Variants in EYS observed in about 807,000 individuals in gnomAD.
EYS encodes EGF-like photoreceptor maintenance factor, also known as protein eyes shut homolog.
In EYS, 250 loss-of-function variants were observed where a neutral mutation model predicts 282.1. The ratio of observed to expected loss-of-function variants is 0.89; its 90% CI spans 0.80 to 0.98. EYS has a LOEUF of 0.98. EYS is among the 50% of genes least tolerant of loss of function. The pLI is 0.00. For synonymous variants in EYS, 1,355 were observed against 1,282.9 expected, an observed-to-expected ratio of 1.06 and a Z score of -1.20; for missense variants, 4,016 against 3,709.0, an observed-to-expected ratio of 1.08 and a Z score of -2.15.
chr6:65,523,509 GT>G, intron 2 of EYS, among the ~76,000 whole-genome samples: 1 of 152,214 alleles, frequency 6.6e-6, no homozygotes, highest in African/African-American at 2.4e-5. Flanking sequence ...GCAAACAGTT[GT>G]TATGAAGAAT....
At chr6:64,893,744 C>A (rs7753751) in intron 18 of EYS, among the ~76,000 whole-genome samples, 83,109 of 151,642 alleles carry the variant, frequency 0.55, 23,585 homozygotes, top group Non-Finnish European at 0.61. Context: ...AGTATTGTTT[C>A]ATGTTGCTGA....
chr6:64,696,158 T>G (rs1770572365), intron 22 of EYS, among the ~76,000 whole-genome samples: 1 of 152,158 alleles, frequency 6.6e-6, no homozygotes. Context: ...AAGAGATAGA[T>G]ATCTTTTAAA....
intron 35 of EYS, among the ~76,000 whole-genome samples, chr6:63,898,445 C>T (rs965007908): frequency 1.3e-5 from 2 of 152,026 alleles, no homozygotes; most frequent in African/African-American, 4.8e-5. Context: ...GAGCCAAGAA[C>T]ATGCCACTGC....
chr6:64,227,081 T>C (rs1013342627), intron 31 of EYS, among the ~76,000 whole-genome samples: 2 of 152,118 alleles, frequency 1.3e-5, no homozygotes, highest in African/African-American at 4.8e-5. Flanking sequence ...TACGCAATTA[T>C]ATATTTTTTC....
In EYS at chr6:64,116,330, G is replaced by A. The variant is rs548800472; in HGVS notation, c.6425-34328C>T. Among the ~76,000 whole-genome samples, 12 of 152,194 alleles carry A rather than the reference G, an allele frequency of 7.9e-5. No individual in the cohort carries two copies. In the East Asian group the frequency reaches 1.5e-3, roughly 20 times the overall value. ...CAGTGGATTTCTCAGGAAGAACTTC[G>A]TAGTCCAGGAAAGAATGGGGAGATT... On this transcript the variant is annotated intron_variant, in intron 31 of 42. Transcript: ENST00000503581.
At position 63,870,947 on chromosome 6, in the gene EYS, G is replaced by A. The variant is rs140432381; in HGVS notation, c.7056-6589C>T. ...TATCAAATTCTCCTTCTACCCAATC[G>A]TTGTTCAGATCTTTCCCAGTCCTGT... On this transcript the variant is annotated intron_variant, in intron 35 of 42. Transcript: ENST00000503581. Among the ~76,000 whole-genome samples the A allele has an allele frequency of 1.8e-3, 277 of 152,160 alleles. 1 individual carries two copies. The highest frequency in any genetic ancestry group is 5.8e-3 in the African/African-American group (242 of 41,518).
chr6:64,830,248 C>T (rs1347353838), intron 19 of EYS, among the ~76,000 whole-genome samples: 1 of 151,918 alleles, frequency 6.6e-6, no homozygotes, highest in Non-Finnish European at 1.5e-5. Context: ...ACTTCTTATC[C>T]TCTAGACCTA....
intron 22 of EYS, among the ~76,000 whole-genome samples, chr6:64,688,663 G>A (rs974722814): frequency 1.2e-4 from 19 of 152,154 alleles, no homozygotes; most frequent in African/African-American, 4.3e-4. Flanking sequence ...CAATTTTAGA[G>A]TAAGTGCAGT....
At chr6:64,989,724 TTTA>T (rs957523067) in intron 14 of EYS, among the ~76,000 whole-genome samples, 1 of 145,312 alleles carries the variant, frequency 6.9e-6, no homozygotes, top group Non-Finnish European at 1.5e-5. Flanking sequence ...ATAATATAAT[TTTA>T]TATTATATAT....
chr6:64,100,169 A>G (rs1163224985), intron 31 of EYS, among the ~76,000 whole-genome samples: 1 of 152,182 alleles, frequency 6.6e-6, no homozygotes, highest in Non-Finnish European at 1.5e-5. Flanking sequence ...TATATATGCT[A>G]GAATAATTAT....
intron 35 of EYS, among the ~76,000 whole-genome samples, chr6:63,955,245 T>G (rs1361546446): frequency 6.6e-6 from 1 of 152,134 alleles, no homozygotes; most frequent in Non-Finnish European, 1.5e-5. Flanking sequence ...TGTCTAATCA[T>G]ACTCTTATTC....
chr6:64,828,575 T>C (rs991577711), intron 19 of EYS, among the ~76,000 whole-genome samples: 7 of 151,948 alleles, frequency 4.6e-5, no homozygotes, highest in Non-Finnish European at 1.0e-4. Flanking sequence ...TATCCTGAAA[T>C]TGAGAAATGG....
intron 24 of EYS, among the ~76,000 whole-genome samples, chr6:64,605,602 T>C (rs1468669698): frequency 6.6e-6 from 1 of 151,822 alleles, no homozygotes; most frequent in Admixed American, 6.6e-5. Context: ...CTCACCTAAT[T>C]GAAATCAAAT....
chr6:64,236,759 T>A (rs867285764), intron 30 of EYS, among the ~76,000 whole-genome samples: 38 of 151,118 alleles, frequency 2.5e-4, no homozygotes, highest in African/African-American at 5.3e-4. Context: ...CAGGTTTTTT[T>A]AATTTTTTAA....
At chr6:64,569,972 C>T (rs1362038478) in intron 26 of EYS, among the ~76,000 whole-genome samples, 1 of 152,002 alleles carries the variant, frequency 6.6e-6, no homozygotes, top group African/African-American at 2.4e-5. Flanking sequence ...AGAAGAGTAA[C>T]CCCAAGTAGA....
At chr6:64,943,345 G>A (rs888744088) in intron 15 of EYS, among the ~76,000 whole-genome samples, 2 of 152,020 alleles carry the variant, frequency 1.3e-5, no homozygotes, top group Non-Finnish European at 2.9e-5. Flanking sequence ...GTCCGAGCCA[G>A]AGCTATCAGG....
chr6:63,769,514 C>T (rs758397747), intron 40 of EYS, among the ~76,000 whole-genome samples: 2 of 151,990 alleles, frequency 1.3e-5, no homozygotes, highest in Non-Finnish European at 2.9e-5. Context: ...CCTTAATTGT[C>T]AGTACAAGGA....
At chr6:64,593,039 A>T in intron 25 of EYS, 78 bp downstream of exon 25, 1 of 1,099,026 alleles carries the variant, frequency 9.1e-7, no homozygotes, top group Non-Finnish European at 1.2e-6. Flanking sequence ...AAAAGATTTT[A>T]ATAATGCAGA....
chr6:63,835,853 T>C (rs995058456), intron 36 of EYS, among the ~76,000 whole-genome samples: 14 of 152,240 alleles, frequency 9.2e-5, no homozygotes, highest in Non-Finnish European at 1.8e-4. Context: ...AATTTGGCTA[T>C]TTAAAACTTC....
Sources: allele counts gnomAD v4.1 joint callset (sites outside exome capture counted in the v4.1 genomes callset), GRCh38; gene constraint gnomAD v4.1.1; transcripts MANE v1.5; gene names NCBI Gene and HGNC (gene_info 2026-07-23, HGNC 2026-07-21).